Variants in DHRSX observed in about 807,000 individuals in gnomAD.
DHRSX encodes the protein polyprenol dehydrogenase.
Under a neutral mutation model 34.0 loss-of-function variants are expected in DHRSX, and 31 were observed. That is an observed-to-expected ratio of 0.91 (90% CI 0.69 to 1.23). The LOEUF is 1.23. Ranked by LOEUF, DHRSX falls within the 50% of genes most tolerant of loss-of-function variation. DHRSX has a pLI of 0.00. For missense variants in DHRSX, 414 were observed against 428.1 expected (o/e 0.97, Z 0.29); for synonymous variants, 201 against 183.8 (o/e 1.09, Z -0.76).
rs367807847 is a variant in DHRSX, at chrX:2,373,781, G to A, written c.286+34964C>T. Among the ~76,000 whole-genome samples the A allele has an allele frequency of 1.5e-3, 231 of 152,282 alleles. 1 individual carries two copies. The highest frequency in any genetic ancestry group is 5.2e-3 in the African/African-American group (218 of 41,554). On this transcript the variant is annotated intron_variant, in intron 3 of 6. Transcript: ENST00000334651. ...AGTTTGCAAGCCAACAGGAAACCTA[G>A]GCAGGCTTCCTGGAGGAGGCATCAT...
At chrX:2,345,495 A>C (rs1292754218) in intron 3 of DHRSX, among the ~76,000 whole-genome samples, 1 of 151,798 alleles carries the variant, frequency 6.6e-6, no homozygotes, top group African/African-American at 2.4e-5. Flanking sequence ...AAATAAAAAT[A>C]AATTAGCTGG....
At chrX:2,405,918 A>AT (rs112584621) in intron 3 of DHRSX, among the ~76,000 whole-genome samples, 1 of 149,494 alleles carries the variant, frequency 6.7e-6, no homozygotes, top group Non-Finnish European at 1.5e-5. Context: ...AAAAAAAAAA[A>AT]ATAAGGTACC....
At chrX:2,377,682 C>T (rs1404273488) in intron 3 of DHRSX, among the ~76,000 whole-genome samples, 2 of 151,962 alleles carry the variant, frequency 1.3e-5, no homozygotes, top group Admixed American at 1.3e-4. Context: ...GCAAGGGGCA[C>T]AGCCCTGCCT....
At position 2,401,091 on chromosome X, in the gene DHRSX, G is replaced by C. The variant is rs2043479727; in HGVS notation, c.286+7654C>G. Among the ~76,000 whole-genome samples, 9 of 144,082 alleles carry C rather than the reference G, an allele frequency of 6.2e-5. No individual in the cohort carries two copies. The South Asian group carries it at 2.0e-3, about 32-fold the overall frequency. The allele number at this position is 144,082 out of a possible 152,430, so 94.5% of individuals were successfully genotyped here. A position where few individuals can be genotyped will look rare whatever the true frequency, so the allele number is the denominator to read the frequency against. On this transcript the variant is annotated intron_variant, in intron 3 of 6. Transcript: ENST00000334651. ...ATGAAGACGGCACAAGCTACTGGAA[G>C]AATAATATTTGGGAAGCTTTTTTTT...
intron 1 of DHRSX, among the ~76,000 whole-genome samples, chrX:2,446,542 G>T (rs182246399): frequency 1.3e-5 from 2 of 150,276 alleles, no homozygotes; most frequent in South Asian, 2.1e-4. Flanking sequence ...AGAGACCACC[G>T]CCATGTACAC....
chrX:2,448,586 A>G lies in DHRSX; in HGVS notation c.110-23282T>C, dbSNP rs768639058. ...GATTGTTAATGTGTTTATTAGCTTG[A>G]TTATTAATATGTTAATTGACTTGAT... On this transcript the variant is annotated intron_variant, in intron 1 of 6. Coordinates refer to ENST00000334651, the MANE Select transcript of DHRSX (RefSeq NM_145177.3). Among the ~76,000 whole-genome samples, 204 of 151,976 alleles carry G rather than the reference A, an allele frequency of 1.3e-3. 1 individual carries two copies. The Middle Eastern group carries it at 0.02, about 15-fold the overall frequency.
chrX:2,343,310 A>C (rs957425744), intron 3 of DHRSX, among the ~76,000 whole-genome samples: 5 of 152,216 alleles, frequency 3.3e-5, no homozygotes, highest in African/African-American at 1.2e-4. Context: ...TTTAACTGTC[A>C]AGTGACATTT....
At chrX:2,467,898 G>C (rs6567549) in intron 1 of DHRSX, among the ~76,000 whole-genome samples, 5 of 150,480 alleles carry the variant, frequency 3.3e-5, no homozygotes, top group African/African-American at 1.2e-4. Context: ...GAGGCGGGGA[G>C]GTTGCAGGGA....
At chrX:2,431,504 T>C (rs1380328450) in intron 1 of DHRSX, among the ~76,000 whole-genome samples, 1 of 152,098 alleles carries the variant, frequency 6.6e-6, no homozygotes, top group East Asian at 1.9e-4. Context: ...AGTAATGGGA[T>C]TGCTGGCTCA....
intron 3 of DHRSX, among the ~76,000 whole-genome samples, chrX:2,318,483 C>G (rs1015940714): frequency 7.2e-5 from 11 of 152,122 alleles, no homozygotes; most frequent in Admixed American, 3.3e-4. Context: ...CTGGCCAAAC[C>G]CCATGCAAAC....
At chrX:2,254,964 CTTTTTTT>C (rs769097084) in intron 5 of DHRSX, among the ~76,000 whole-genome samples, 1 of 97,526 alleles carries the variant, frequency 1.0e-5, no homozygotes, top group African/African-American at 4.7e-5. Context: ...CCTTTTTTTT[CTTTTTTT>C]TTTTTTGAGA....
At chrX:2,411,806 C>T (rs748433184) in intron 2 of DHRSX, among the ~76,000 whole-genome samples, 1 of 151,776 alleles carries the variant, frequency 6.6e-6, no homozygotes, top group African/African-American at 2.4e-5. Context: ...AGATGGGAGC[C>T]TCCACCTTCT....
At chrX:2,434,393 G>GA (rs1223273434) in intron 1 of DHRSX, among the ~76,000 whole-genome samples, 1 of 152,322 alleles carries the variant, frequency 6.6e-6, no homozygotes, top group African/African-American at 2.4e-5. Context: ...AGGCAGCCAG[G>GA]CCTGGTAGCT....
intron 3 of DHRSX, among the ~76,000 whole-genome samples, chrX:2,296,443 G>A (rs933790123): frequency 6.6e-6 from 1 of 152,176 alleles, no homozygotes; most frequent in Non-Finnish European, 1.5e-5. Flanking sequence ...AGACAAAAAG[G>A]AAATGCATAG....
At chrX:2,390,730 A>G (rs1384821586) in intron 3 of DHRSX, among the ~76,000 whole-genome samples, 2 of 152,228 alleles carry the variant, frequency 1.3e-5, no homozygotes, top group Non-Finnish European at 2.9e-5. Flanking sequence ...GTGGAATCCT[A>G]CAGTATTTGT....
At chrX:2,333,659 C>T (rs2042511967) in intron 3 of DHRSX, among the ~76,000 whole-genome samples, 1 of 152,020 alleles carries the variant, frequency 6.6e-6, no homozygotes, top group South Asian at 2.1e-4. Context: ...GTGATCTGCC[C>T]ACCTCGGCCT....
rs749529887 is a variant in DHRSX, at chrX:2,236,972, C to T, written c.804+6051G>A. ...GGCAGGCCGAGGCAGGCGGCTCACT[C>T]GAGACTGTGAGTTCGAGATCAGCCT... On this transcript the variant is annotated intron_variant, in intron 6 of 6. Coordinates refer to ENST00000334651, the MANE Select transcript of DHRSX (RefSeq NM_145177.3). Among the ~76,000 whole-genome samples, 23 of 151,966 alleles carry T rather than the reference C, an allele frequency of 1.5e-4. No individual in the cohort carries two copies. In the East Asian group the frequency reaches 4.5e-3, roughly 29 times the overall value.
chrX:2,376,918 C>T (rs988214241), intron 3 of DHRSX, among the ~76,000 whole-genome samples: 1 of 151,660 alleles, frequency 6.6e-6, no homozygotes, highest in African/African-American at 2.4e-5. Flanking sequence ...CACTTGAACC[C>T]GGGAGGCAGA....
At chrX:2,418,710 C>T (rs1234144728) in intron 2 of DHRSX, among the ~76,000 whole-genome samples, 1 of 152,152 alleles carries the variant, frequency 6.6e-6, no homozygotes, top group Admixed American at 6.5e-5. Context: ...ATCCAGCCAA[C>T]CTTCAGAGAA....
Sources: gnomAD v4.1 joint callset for allele counts (sites outside exome capture counted in the v4.1 genomes callset) on GRCh38, gnomAD v4.1.1 for gene constraint, MANE v1.5 for transcripts, NCBI Gene and HGNC (gene_info 2026-07-23, HGNC 2026-07-21) for gene names.